BRINP3: variants seen among roughly 807,000 people sequenced by gnomAD.
BRINP3 encodes BMP/retinoic acid inducible neural specific 3, also known as BMP/retinoic acid-inducible neural-specific protein 3.
Under a neutral mutation model 71.0 loss-of-function variants are expected in BRINP3, and 19 were observed. The ratio of observed to expected loss-of-function variants is 0.27; its 90% CI spans 0.19 to 0.39. BRINP3 has a LOEUF of 0.39. Among genes scored for constraint, BRINP3 ranks in the 10% least tolerant of loss-of-function variants. The pLI is 1.00. For synonymous variants in BRINP3, 380 were observed against 337.7 expected (o/e 1.13, Z -1.37); for missense variants, 959 against 940.8 (o/e 1.02, Z -0.25).
chr1:190,230,904 T>C (rs1657913659), intron 5 of BRINP3, among the ~76,000 whole-genome samples: 2 of 151,676 alleles, frequency 1.3e-5, no homozygotes, highest in African/African-American at 2.4e-5. Flanking sequence ...ATCACAGTCA[T>C]ACTTATCTTC....
At chr1:190,318,625 T>C (rs777296978) in intron 2 of BRINP3, among the ~76,000 whole-genome samples, 2 of 152,056 alleles carry the variant, frequency 1.3e-5, no homozygotes, top group East Asian at 3.9e-4. Flanking sequence ...TTTCCTCTTG[T>C]TTAAAAAGTA....
At chr1:190,178,581 C>T (rs1652759992) in intron 6 of BRINP3, among the ~76,000 whole-genome samples, 1 of 152,058 alleles carries the variant, frequency 6.6e-6, no homozygotes, top group African/African-American at 2.4e-5. Flanking sequence ...AACCTGAATA[C>T]TGGTTCTATG....
At chr1:190,386,486 A>G (rs1036044627) in intron 2 of BRINP3, among the ~76,000 whole-genome samples, 2 of 151,938 alleles carry the variant, frequency 1.3e-5, no homozygotes, top group African/African-American at 4.8e-5. Context: ...TATATTTAAA[A>G]TGTTAAATAT....
At position 190,398,929 on chromosome 1, in the gene BRINP3, T is replaced by C. The variant is rs796383637; in HGVS notation, c.236+55726A>G. ...TTTTGATCCATCTCTTCCCAGTACC[T>C]CCCCTGAGATACCCGTCTTCCATTA... On this transcript the variant is annotated intron_variant, in intron 2 of 7. Transcript: ENST00000367462. Among the ~76,000 whole-genome samples the C allele has an allele frequency of 2.2e-4, 33 of 152,050 alleles. 1 individual carries two copies. Among genetic ancestry groups the C allele is most frequent in the African/African-American group, 7.9e-4 (33 of 41,556 alleles).
chr1:190,243,878 T>C (rs1180965944), intron 4 of BRINP3, among the ~76,000 whole-genome samples: 1 of 152,152 alleles, frequency 6.6e-6, no homozygotes, highest in East Asian at 1.9e-4. Flanking sequence ...ATGAAAGCTA[T>C]CTGAAGAAGT....
At chr1:190,400,377 C>T (rs1482544483) in intron 2 of BRINP3, among the ~76,000 whole-genome samples, 2 of 151,978 alleles carry the variant, frequency 1.3e-5, no homozygotes, top group South Asian at 2.1e-4. Context: ...CAAAAATTGT[C>T]GAGTTAGGCA....
At chr1:190,259,944 C>A (rs957916610) in intron 4 of BRINP3, among the ~76,000 whole-genome samples, 1 of 151,032 alleles carries the variant, frequency 6.6e-6, no homozygotes, top group African/African-American at 2.4e-5. Flanking sequence ...AGGAGAACTG[C>A]TTGAGCCTGG....
At chr1:190,284,962 A>C (rs982946420) in intron 2 of BRINP3, among the ~76,000 whole-genome samples, 1 of 152,148 alleles carries the variant, frequency 6.6e-6, no homozygotes, top group African/African-American at 2.4e-5. Flanking sequence ...ATCCAAAAGA[A>C]TAAAGCAAAA....
intron 4 of BRINP3, among the ~76,000 whole-genome samples, chr1:190,262,199 CA>C (rs1460926377): frequency 1.3e-5 from 2 of 152,134 alleles, no homozygotes; most frequent in Admixed American, 1.3e-4. Context: ...ACACAGCACA[CA>C]AGCACAATGC....
At chr1:190,109,920 C>G (rs1361316286) in intron 7 of BRINP3, among the ~76,000 whole-genome samples, 1 of 152,228 alleles carries the variant, frequency 6.6e-6, no homozygotes, top group Non-Finnish European at 1.5e-5. Flanking sequence ...ACTGGATTCT[C>G]TGGTTCTCCA....
chr1:190,448,882 C>T (rs1259966267), intron 2 of BRINP3, among the ~76,000 whole-genome samples: 1 of 151,758 alleles, frequency 6.6e-6, no homozygotes, highest in East Asian at 1.9e-4. Context: ...TTTCAAAATA[C>T]ACATGAAGCT....
chr1:190,173,607 G>C (rs1388481737), intron 6 of BRINP3, among the ~76,000 whole-genome samples: 1 of 152,094 alleles, frequency 6.6e-6, no homozygotes, highest in African/African-American at 2.4e-5. Context: ...TTCCTAAATT[G>C]CTTATCTCAA....
At chr1:190,253,963 C>A (rs536972890) in intron 4 of BRINP3, among the ~76,000 whole-genome samples, 96 of 152,098 alleles carry the variant, frequency 6.3e-4, no homozygotes, top group Non-Finnish European at 1.1e-3. Context: ...AGGAAGGGAT[C>A]CAGTTTCATC....
At chr1:190,185,533 A>C (rs966285656) in intron 6 of BRINP3, among the ~76,000 whole-genome samples, 5 of 152,184 alleles carry the variant, frequency 3.3e-5, no homozygotes, top group Admixed American at 1.3e-4. Flanking sequence ...TAAATTATAC[A>C]TAAATAGAAA....
At chr1:190,440,347 A>G (rs1206728396) in intron 2 of BRINP3, among the ~76,000 whole-genome samples, 2 of 151,944 alleles carry the variant, frequency 1.3e-5, no homozygotes, top group African/African-American at 2.4e-5. Flanking sequence ...TGTTCATTCA[A>G]TATAATTATG....
At chr1:190,458,307 T>C (rs1676146386) in intron 1 of BRINP3, among the ~76,000 whole-genome samples, 1 of 152,106 alleles carries the variant, frequency 6.6e-6, no homozygotes, top group Non-Finnish European at 1.5e-5. Context: ...TATAAAGATA[T>C]TTTGTAATGA....
At chr1:190,433,957 G>A (rs975413939) in intron 2 of BRINP3, among the ~76,000 whole-genome samples, 6 of 151,948 alleles carry the variant, frequency 3.9e-5, no homozygotes, top group Non-Finnish European at 5.9e-5. Flanking sequence ...TCCCCACCCC[G>A]GTTTTCTGCG....
At position 190,402,630 on chromosome 1, in the gene BRINP3, A is replaced by C. The variant is rs1168207773; in HGVS notation, c.236+52025T>G. Reference sequence around the variant, plus strand: ...GAATATTAAGCTTTATATTCAATAAAAAATATATAGAGTTCAATGTTTTAG... The same window carrying C: ...GAATATTAAGCTTTATATTCAATAACAAATATATAGAGTTCAATGTTTTAG... On this transcript the variant is annotated intron_variant, in intron 2 of 7. Transcript: ENST00000367462. 2.6e-5 allele frequency among the ~76,000 whole-genome samples: 4 copies of C among 152,328 alleles called. No homozygotes were observed. The East Asian group carries it at 7.7e-4, about 29-fold the overall frequency.
chr1:190,366,037 C>T (rs1558221735), intron 2 of BRINP3, among the ~76,000 whole-genome samples: 1 of 151,814 alleles, frequency 6.6e-6, no homozygotes, highest in Non-Finnish European at 1.5e-5. Context: ...CACCTAGACA[C>T]AAAAATAGCT....
Sources: allele counts gnomAD v4.1 joint callset (sites outside exome capture counted in the v4.1 genomes callset), GRCh38; gene constraint gnomAD v4.1.1; transcripts MANE v1.5; gene names NCBI Gene and HGNC (gene_info 2026-07-23, HGNC 2026-07-21).